Variants in CTNNA3 observed in about 807,000 individuals in gnomAD.
CTNNA3 encodes the protein catenin alpha 3, also known as catenin alpha-3.
A neutral mutation model predicts 95.7 loss-of-function variants in CTNNA3; 76 were observed. That is an observed-to-expected ratio of 0.79 (90% CI 0.66 to 0.96). The LOEUF is 0.96. Ranked by LOEUF, CTNNA3 falls within the 40% of genes least tolerant of loss-of-function variation. The pLI is 0.00. For synonymous variants in CTNNA3, 431 were observed against 374.4 expected (o/e 1.15, Z -1.74); for missense variants, 1,191 against 1,089.8 (o/e 1.09, Z -1.31).
intron 1 of CTNNA3, among the ~76,000 whole-genome samples, chr10:67,727,903 T>C (rs191259031): frequency 8.8e-6 from 1 of 113,528 alleles, no homozygotes; most frequent in Admixed American, 9.3e-5. Flanking sequence ...TTATGTATAA[T>C]ATATTATGTA....
chr10:67,173,155 T>C (rs1004554335), intron 7 of CTNNA3, among the ~76,000 whole-genome samples: 94 of 152,198 alleles, frequency 6.2e-4, no homozygotes, highest in African/African-American at 2.1e-3. Context: ...CTTTTGATTT[T>C]TGCTATTAAC....
upstream of CTNNA3, among the ~76,000 whole-genome samples, chr10:67,699,456 C>A (rs1432787194): frequency 6.6e-6 from 1 of 152,210 alleles, no homozygotes; most frequent in Non-Finnish European, 1.5e-5. Flanking sequence ...CCTATGGCTT[C>A]AAATGAGATC....
chr10:66,892,678 A>C (rs1001511543), intron 7 of CTNNA3, among the ~76,000 whole-genome samples: 2 of 152,128 alleles, frequency 1.3e-5, no homozygotes, highest in African/African-American at 4.8e-5. Flanking sequence ...TTAGCTAGCC[A>C]TGACTGTATG....
intron 5 of CTNNA3, among the ~76,000 whole-genome samples, chr10:67,447,508 C>T (rs950184111): frequency 1.3e-5 from 2 of 152,148 alleles, no homozygotes; most frequent in Admixed American, 1.3e-4. Flanking sequence ...CTCCTTGTTC[C>T]TTCAAAGAAA....
chr10:67,668,231 A>C (rs1424724039), intron 1 of CTNNA3, among the ~76,000 whole-genome samples: 1 of 140,618 alleles, frequency 7.1e-6, no homozygotes, highest in Non-Finnish European at 1.5e-5. Context: ...AGATTGAATA[A>C]GCAGTGAATA....
In CTNNA3 at chr10:65,916,035, ATTG is replaced by A. The variant is rs1043081110; in HGVS notation, c.*4292_*4294del. 1.3e-5 allele frequency: 2 copies of A among 152,102 alleles called. No individual in the cohort carries two copies. 9.4% of individuals were successfully genotyped at this position (152,102 alleles called of 1,614,324 possible). A position where few individuals can be genotyped will look rare whatever the true frequency, so the allele number is the denominator to read the frequency against. ...CCAAAATAAAAACTCTCAAACTGCT[ATTG>A]TTATTAGTCCTGGCTTATTTGTTTA... On this transcript the variant is annotated 3_prime_UTR_variant, in exon 18 of 18. Coordinates refer to ENST00000433211, the MANE Select transcript of CTNNA3 (RefSeq NM_013266.4).
intron 17 of CTNNA3, among the ~76,000 whole-genome samples, chr10:65,955,969 G>A (rs781529414): frequency 6.6e-6 from 1 of 152,136 alleles, no homozygotes; most frequent in Non-Finnish European, 1.5e-5. Context: ...AATGGAACTG[G>A]CTCCTCTTTG....
At chr10:67,134,560 G>C (rs544947118) in intron 7 of CTNNA3, among the ~76,000 whole-genome samples, 1 of 152,108 alleles carries the variant, frequency 6.6e-6, no homozygotes, top group African/African-American at 2.4e-5. Flanking sequence ...ATTCCTGCTT[G>C]TTACATTGAC....
intron 13 of CTNNA3, among the ~76,000 whole-genome samples, chr10:66,150,656 T>C (rs2084153362): frequency 6.6e-6 from 1 of 151,942 alleles, no homozygotes; most frequent in African/African-American, 2.4e-5. Flanking sequence ...ATTCTAAATA[T>C]CTTCTATTTT....
At chr10:67,505,613 A>C (rs541223022) in intron 5 of CTNNA3, among the ~76,000 whole-genome samples, 2 of 152,370 alleles carry the variant, frequency 1.3e-5, no homozygotes, top group East Asian at 3.8e-4. Context: ...ACTTCAAAGC[A>C]CAAAAATAAT....
intron 1 of CTNNA3, among the ~76,000 whole-genome samples, chr10:67,712,806 T>C (rs74626727): frequency 3.3e-5 from 5 of 152,104 alleles, no homozygotes; most frequent in African/African-American, 1.2e-4. Flanking sequence ...AAGACTTAAA[T>C]GTAAAGCCTA....
chr10:67,223,471 T>C (rs1411654518), intron 5 of CTNNA3, among the ~76,000 whole-genome samples: 4 of 152,192 alleles, frequency 2.6e-5, no homozygotes, highest in African/African-American at 9.7e-5. Context: ...TTGATACTTA[T>C]TTATAATCTT....
chr10:66,241,065 A>C (rs2090083668), intron 13 of CTNNA3, among the ~76,000 whole-genome samples: 1 of 152,152 alleles, frequency 6.6e-6, no homozygotes, highest in Admixed American at 6.6e-5. Flanking sequence ...GTAGAGAAGA[A>C]GAAAAATGAG....
chr10:67,541,243 A>T (rs1162221536), intron 3 of CTNNA3, among the ~76,000 whole-genome samples: 1 of 151,972 alleles, frequency 6.6e-6, no homozygotes, highest in East Asian at 1.9e-4. Flanking sequence ...AAATTCTCCA[A>T]AATACAGTCA....
At chr10:66,196,833 A>C (rs1300516342) in intron 13 of CTNNA3, among the ~76,000 whole-genome samples, 1 of 152,184 alleles carries the variant, frequency 6.6e-6, no homozygotes, top group African/African-American at 2.4e-5. Flanking sequence ...AAGTGTTAGA[A>C]TCTGAGGTAG....
chr10:66,181,526 T>A (rs776470838), intron 13 of CTNNA3, among the ~76,000 whole-genome samples: 2 of 152,140 alleles, frequency 1.3e-5, no homozygotes, highest in Non-Finnish European at 2.9e-5. Context: ...TAGTTATTTG[T>A]CCAAAGCTAC....
intron 7 of CTNNA3, among the ~76,000 whole-genome samples, chr10:67,000,967 TAG>T: frequency 6.6e-6 from 1 of 151,756 alleles, no homozygotes; most frequent in East Asian, 1.9e-4. Flanking sequence ...AATGCGAAAG[TAG>T]AGAGAGAAAA....
chr10:67,607,181 A>G lies in CTNNA3; in HGVS notation c.100-132T>C, dbSNP rs1843306147. On this transcript the variant is annotated intron_variant, in intron 2 of 17. Transcript: ENST00000433211. The stretch of plus-strand genomic sequence containing the variant: ...ACTCAAGGGCTAGGGGCGCCAACCC[A>G]CCGTGCAGTTGAAAATCTGAGTATA... 4.8e-6 allele frequency: 3 copies of G among 629,902 alleles called. No homozygotes were observed. In the Admixed American group the frequency reaches 9.3e-5, roughly 20 times the overall value. 39.0% of individuals were successfully genotyped at this position (629,902 alleles called of 1,614,324 possible). A position where few individuals can be genotyped will look rare whatever the true frequency, so the allele number is the denominator to read the frequency against.
intron 5 of CTNNA3, among the ~76,000 whole-genome samples, chr10:67,501,597 T>C (rs964769706): frequency 6.6e-6 from 1 of 152,160 alleles, no homozygotes; most frequent in Non-Finnish European, 1.5e-5. Context: ...CTTTCAGATA[T>C]ATCAGTCAAA....
Sources: allele counts gnomAD v4.1 joint callset (sites outside exome capture counted in the v4.1 genomes callset), GRCh38; gene constraint gnomAD v4.1.1; transcripts MANE v1.5; gene names NCBI Gene and HGNC (gene_info 2026-07-23, HGNC 2026-07-21).